The following TUSC3 variants were observed in gnomAD, a reference collection of about 807,000 sequenced individuals.
The protein encoded by TUSC3 is dolichyl-diphosphooligosaccharide--protein glycosyltransferase subunit TUSC3.
In TUSC3, 45 loss-of-function variants were observed where a neutral mutation model predicts 44.8. The observed-to-expected ratio is 1.00, with a 90% CI of 0.79 to 1.29. The LOEUF is 1.29. TUSC3 is among the 50% of genes most tolerant of loss of function. The pLI, the probability that TUSC3 is intolerant of heterozygous loss-of-function variation, is 0.00. For missense variants in TUSC3, 519 were observed against 437.9 expected, an observed-to-expected ratio of 1.19 and a Z score of -1.65; for synonymous variants, 212 against 152.9, an observed-to-expected ratio of 1.39 and a Z score of -2.85.
chr8:15,775,675 CATAA>C, the TUSC3 span, among the ~76,000 whole-genome samples: 18 of 135,698 alleles, frequency 1.3e-4, no homozygotes, highest in South Asian at 4.0e-3. Flanking sequence ...TATATACACA[CATAA>C]ATACATATGT....
intron 1 of TUSC3, among the ~76,000 whole-genome samples, chr8:15,610,915 C>CTA: frequency 6.6e-6 from 1 of 152,188 alleles, no homozygotes; most frequent in Admixed American, 6.5e-5. Flanking sequence ...AGACACATAA[C>CTA]TAAAAGAGTG....
chr8:15,550,188 C>T (rs989160625), intron 1 of TUSC3, among the ~76,000 whole-genome samples: 2 of 151,678 alleles, frequency 1.3e-5, no homozygotes, highest in Non-Finnish European at 2.9e-5. Flanking sequence ...CAGGGTGTGG[C>T]ACCGGGCTGT....
At chr8:15,810,511 G>T in the TUSC3 span, among the ~76,000 whole-genome samples, 1 of 151,974 alleles carries the variant, frequency 6.6e-6, no homozygotes, top group African/African-American at 2.4e-5. Flanking sequence ...GGTGGCACAC[G>T]CCTGTGGTCC....
At chr8:15,426,219 A>G (rs988219620) in intron 1 of TUSC3, among the ~76,000 whole-genome samples, 1 of 152,282 alleles carries the variant, frequency 6.6e-6, no homozygotes. Context: ...GTTTCCTTGT[A>G]TTCGTTTGTT....
At chr8:15,701,288 T>G (rs1809394006) in intron 6 of TUSC3, among the ~76,000 whole-genome samples, 1 of 152,130 alleles carries the variant, frequency 6.6e-6, no homozygotes, top group Admixed American at 6.6e-5. Flanking sequence ...AAGCCACTGT[T>G]ATGATTTTTA....
downstream of TUSC3, among the ~76,000 whole-genome samples, chr8:15,769,351 G>C (rs1024190284): frequency 6.6e-6 from 1 of 152,142 alleles, no homozygotes; most frequent in Non-Finnish European, 1.5e-5. Flanking sequence ...TTAATAAATG[G>C]TGATGGGAAA....
At chr8:15,504,599 ATATATATATATATATATATATATTT>A (rs1219909710) in intron 2 of TUSC3, among the ~76,000 whole-genome samples, 77 of 35,890 alleles carry the variant, frequency 2.1e-3, no homozygotes, top group African/African-American at 3.6e-3. Flanking sequence ...ATATATATAT[ATATATATATATATATATATATATTT>A]TTTTTTTTTT....
the TUSC3 span, among the ~76,000 whole-genome samples, chr8:15,846,183 C>T: frequency 6.6e-6 from 1 of 152,114 alleles, no homozygotes. Context: ...GGGGACACAG[C>T]CAAACCATAT....
At chr8:15,618,922 G>A (rs2898421) in intron 1 of TUSC3, among the ~76,000 whole-genome samples, 29,894 of 152,002 alleles carry the variant, frequency 0.2, 2,919 homozygotes, top group South Asian at 0.27. Context: ...CCGTCTTTGT[G>A]TATGGAGTCT....
chr8:15,817,146 T>C, the TUSC3 span, among the ~76,000 whole-genome samples: 1 of 152,214 alleles, frequency 6.6e-6, no homozygotes, highest in African/African-American at 2.4e-5. Context: ...AAGGCACCAA[T>C]GATGTTTCTC....
chr8:15,453,900 G>A (rs1432398710), intron 1 of TUSC3, among the ~76,000 whole-genome samples: 1 of 152,120 alleles, frequency 6.6e-6, no homozygotes, highest in East Asian at 1.9e-4. Context: ...ACCTGAAACT[G>A]GTGATCACCA....
the TUSC3 span, among the ~76,000 whole-genome samples, chr8:15,822,323 T>C: frequency 6.6e-6 from 1 of 152,164 alleles, no homozygotes; most frequent in Non-Finnish European, 1.5e-5. Flanking sequence ...GGCTACATAT[T>C]TTAAAAAAAT....
chr8:15,840,260 G>C, the TUSC3 span, among the ~76,000 whole-genome samples: 1 of 152,124 alleles, frequency 6.6e-6, no homozygotes, highest in East Asian at 1.9e-4. Flanking sequence ...AAAGCATTAG[G>C]AGACATGCCT....
At chr8:15,824,671 A>G in the TUSC3 span, among the ~76,000 whole-genome samples, 438 of 152,290 alleles carry the variant, frequency 2.9e-3, 1 homozygote, top group Non-Finnish European at 5.3e-3. Context: ...TGACGAGTTA[A>G]TGGGTGCAGC....
the TUSC3 span, among the ~76,000 whole-genome samples, chr8:15,820,546 T>G: frequency 1.3e-5 from 2 of 152,024 alleles, no homozygotes; most frequent in South Asian, 4.1e-4. Flanking sequence ...TCTCGATCTC[T>G]TGACCTCATG....
At chr8:15,484,629 C>T (rs1800711893) in intron 2 of TUSC3, among the ~76,000 whole-genome samples, 1 of 152,170 alleles carries the variant, frequency 6.6e-6, no homozygotes, top group Non-Finnish European at 1.5e-5. Flanking sequence ...TCACAAAATA[C>T]AATTTGGCAA....
chr8:15,560,703 C>T (rs1450783092), intron 1 of TUSC3, among the ~76,000 whole-genome samples: 2 of 112,532 alleles, frequency 1.8e-5, no homozygotes, highest in African/African-American at 6.4e-5. Context: ...TTGCTCATTT[C>T]TTTTTATTCT....
chr8:15,619,499 T>G lies in TUSC3; in HGVS notation c.139-3581T>G, dbSNP rs868591516. ...GGAAAGAGTTTTATTCCATATATTTTTTTTTTTTTCCAGTCGAAGTCTGTC... is the reference window on the plus strand; with the variant it reads ...GGAAAGAGTTTTATTCCATATATTTGTTTTTTTTTCCAGTCGAAGTCTGTC... On this transcript the variant is annotated intron_variant, in intron 1 of 10. Transcript: ENST00000503731. 6.6e-3 allele frequency among the ~76,000 whole-genome samples: 997 copies of G among 152,192 alleles called. 10 individuals carry two copies. Among genetic ancestry groups the G allele is most frequent in the African/African-American group, 0.023 (947 of 41,520 alleles).
chr8:15,483,649 A>ATTTTTTTTGTTTTTTTTTTTTTTTTTT (rs1800694654), intron 2 of TUSC3, among the ~76,000 whole-genome samples: 1 of 66,166 alleles, frequency 1.5e-5, no homozygotes, highest in African/African-American at 5.5e-5. Flanking sequence ...TAGCACTGTG[A>ATTTTTTTTGTTTTTTTTTTTTTTTTTT]TTTTTTTTTT....
Sources: gnomAD v4.1 joint callset for allele counts (sites outside exome capture counted in the v4.1 genomes callset) on GRCh38, gnomAD v4.1.1 for gene constraint, MANE v1.5 for transcripts, NCBI Gene and HGNC (gene_info 2026-07-23, HGNC 2026-07-21) for gene names.